Variants in FGF12 observed in about 807,000 individuals in gnomAD.
The protein encoded by FGF12 is fibroblast growth factor 12B.
A neutral mutation model predicts 23.6 loss-of-function variants in FGF12; 14 were observed. The ratio of observed to expected loss-of-function variants is 0.59; its 90% CI spans 0.39 to 0.93. FGF12 has a LOEUF of 0.93. FGF12 is among the 40% of genes least tolerant of loss of function. FGF12 has a pLI of 0.00. For missense variants in FGF12, 175 were observed against 217.8 expected, an observed-to-expected ratio of 0.80 and a Z score of 1.24; for synonymous variants, 62 against 77.3, an observed-to-expected ratio of 0.80 and a Z score of 1.04.
At chr3:192,484,009 A>C (rs1261346286) in intron 2 of FGF12, among the ~76,000 whole-genome samples, 13 of 152,166 alleles carry the variant, frequency 8.5e-5, no homozygotes, top group African/African-American at 3.1e-4. Context: ...ATATAAAAAA[A>C]ATTGTAGGAT....
At chr3:192,229,406 T>C (rs1232549520) in intron 4 of FGF12, among the ~76,000 whole-genome samples, 2 of 152,038 alleles carry the variant, frequency 1.3e-5, no homozygotes, top group Admixed American at 1.3e-4. Flanking sequence ...ATAGGGAAAG[T>C]GGAAGAGCTA....
intron 4 of FGF12, among the ~76,000 whole-genome samples, chr3:192,228,312 A>G (rs1366276127): frequency 3.3e-5 from 5 of 152,154 alleles, no homozygotes; most frequent in Non-Finnish European, 7.4e-5. Context: ...TGAGGCATGC[A>G]TTACCCATCA....
chr3:192,415,142 C>A (rs1018453581), intron 2 of FGF12, among the ~76,000 whole-genome samples: 1 of 152,102 alleles, frequency 6.6e-6, no homozygotes, highest in Non-Finnish European at 1.5e-5. Context: ...TTGGCTTATA[C>A]CACCTAGGAG....
At chr3:192,227,755 T>A (rs1718815471) in intron 4 of FGF12, among the ~76,000 whole-genome samples, 2 of 152,144 alleles carry the variant, frequency 1.3e-5, no homozygotes, top group Non-Finnish European at 2.9e-5. Context: ...GCAGGTCAAT[T>A]ACTTCTTATT....
intron 4 of FGF12, among the ~76,000 whole-genome samples, chr3:192,178,907 C>G (rs1264673401): frequency 6.6e-6 from 1 of 152,192 alleles, no homozygotes; most frequent in Non-Finnish European, 1.5e-5. Context: ...AATCTTCCAA[C>G]ACAATTTATA....
chr3:192,661,885 C>T (rs545362779), intron 2 of FGF12, among the ~76,000 whole-genome samples: 5 of 152,292 alleles, frequency 3.3e-5, no homozygotes, highest in East Asian at 3.9e-4. Flanking sequence ...CAGTTCAAAT[C>T]GTAGCTTTAC....
At chr3:192,144,848 G>T (rs1482439789) in intron 5 of FGF12, among the ~76,000 whole-genome samples, 5 of 152,056 alleles carry the variant, frequency 3.3e-5, no homozygotes, top group African/African-American at 1.2e-4. Context: ...TAGAAAGAAC[G>T]ATGTTTTCAA....
At chr3:192,640,909 C>T (rs1376599238) in intron 2 of FGF12, among the ~76,000 whole-genome samples, 1 of 151,866 alleles carries the variant, frequency 6.6e-6, no homozygotes, top group South Asian at 2.1e-4. Context: ...ATCTCCTGGC[C>T]TTCAGAGATC....
chr3:192,521,588 G>A (rs889176753), intron 2 of FGF12, among the ~76,000 whole-genome samples: 3 of 152,082 alleles, frequency 2.0e-5, no homozygotes, highest in African/African-American at 7.2e-5. Context: ...CAAAATGGGT[G>A]TTTCCACCCT....
intron 2 of FGF12, 91 bp downstream of exon 2, chr3:192,727,090 C>G: frequency 6.8e-7 from 1 of 1,479,622 alleles, no homozygotes; most frequent in Non-Finnish European, 9.2e-7. Flanking sequence ...GTATGATGCT[C>G]GCTCCCCAAG....
At chr3:192,444,648 C>T (rs1320564344) in intron 2 of FGF12, among the ~76,000 whole-genome samples, 9 of 152,234 alleles carry the variant, frequency 5.9e-5, no homozygotes, top group African/African-American at 2.2e-4. Flanking sequence ...TAGACACCAT[C>T]ACAGCCCTGC....
intron 2 of FGF12, among the ~76,000 whole-genome samples, chr3:192,431,208 A>G (rs1188888279): frequency 1.3e-5 from 2 of 152,208 alleles, no homozygotes; most frequent in African/African-American, 4.8e-5. Context: ...TCCCAGAGAT[A>G]AGCTCGCCCT....
At chr3:192,707,669 T>A (rs946567208) in intron 2 of FGF12, among the ~76,000 whole-genome samples, 5 of 135,778 alleles carry the variant, frequency 3.7e-5, no homozygotes, top group African/African-American at 1.4e-4. Context: ...TCGCTTGAAC[T>A]TGGGAGGTGG....
chr3:192,445,250 G>A (rs1722318812), intron 2 of FGF12, among the ~76,000 whole-genome samples: 1 of 152,104 alleles, frequency 6.6e-6, no homozygotes, highest in Admixed American at 6.5e-5. Flanking sequence ...CAGCTTCTTA[G>A]GCCCTACCCA....
chr3:192,258,604 A>C (rs1265297312), intron 4 of FGF12, among the ~76,000 whole-genome samples: 1 of 152,188 alleles, frequency 6.6e-6, no homozygotes, highest in African/African-American at 2.4e-5. Context: ...GGATACCTTA[A>C]TCTTTTGCTC....
intron 2 of FGF12, among the ~76,000 whole-genome samples, chr3:192,580,086 C>A (rs1029362651): frequency 1.3e-5 from 2 of 152,198 alleles, no homozygotes; most frequent in African/African-American, 4.8e-5. Flanking sequence ...GTCCTCTTGA[C>A]TTTTAATTCA....
intron 2 of FGF12, among the ~76,000 whole-genome samples, chr3:192,498,554 A>C (rs201337607): frequency 1.3e-5 from 2 of 152,146 alleles, no homozygotes; most frequent in East Asian, 3.8e-4. Flanking sequence ...AATAGAAGTC[A>C]GTCTGGATAT....
intron 2 of FGF12, among the ~76,000 whole-genome samples, chr3:192,715,444 C>T (rs182126278): frequency 1.3e-4 from 20 of 152,360 alleles, no homozygotes; most frequent in Admixed American, 1.1e-3. Flanking sequence ...ATCAATGTCT[C>T]TCTACCTTTG....
chr3:192,607,531 A>G (rs1174523596), intron 2 of FGF12, among the ~76,000 whole-genome samples: 1 of 152,154 alleles, frequency 6.6e-6, no homozygotes, highest in Non-Finnish European at 1.5e-5. Flanking sequence ...GGTGAAGGGA[A>G]GACTAAATAT....
Sources: gnomAD v4.1 joint callset for allele counts (sites outside exome capture counted in the v4.1 genomes callset) on GRCh38, gnomAD v4.1.1 for gene constraint, MANE v1.5 for transcripts, NCBI Gene and HGNC (gene_info 2026-07-23, HGNC 2026-07-21) for gene names.